ANKS1B: variants seen among roughly 807,000 people sequenced by gnomAD.
The protein encoded by ANKS1B is ankyrin repeat and sterile alpha motif domain-containing protein 1B.
A neutral mutation model predicts 148.3 loss-of-function variants in ANKS1B; 36 were observed. The observed-to-expected ratio is 0.24, with a 90% CI of 0.19 to 0.32. The LOEUF (loss-of-function observed/expected upper bound fraction) is 0.32. Among genes scored for constraint, ANKS1B ranks in the 10% least tolerant of loss-of-function variants. The pLI, the probability that ANKS1B is intolerant of heterozygous loss-of-function variation, is 1.00. For synonymous variants in ANKS1B, 542 were observed against 560.8 expected, an observed-to-expected ratio of 0.97 and a Z score of 0.47; for missense variants, 1,157 against 1,542.6, an observed-to-expected ratio of 0.75 and a Z score of 4.19.
intron 12 of ANKS1B, among the ~76,000 whole-genome samples, chr12:99,300,766 A>G (rs991746974): frequency 2.0e-5 from 3 of 152,102 alleles, no homozygotes; most frequent in African/African-American, 7.2e-5. Context: ...TTGGTGCACA[A>G]ATGTGAAGGT....
chr12:99,278,601 A>G (rs527627069), intron 12 of ANKS1B, among the ~76,000 whole-genome samples: 2 of 152,260 alleles, frequency 1.3e-5, no homozygotes, highest in African/African-American at 4.8e-5. Context: ...AAGGTCAGGC[A>G]TCACCTCCTC....
At chr12:99,670,350 C>A (rs539365153) in intron 8 of ANKS1B, among the ~76,000 whole-genome samples, 2 of 152,100 alleles carry the variant, frequency 1.3e-5, no homozygotes, top group Non-Finnish European at 2.9e-5. Flanking sequence ...ACAATCTCAC[C>A]TGTAATATGA....
At chr12:99,599,691 C>T (rs953273016) in intron 9 of ANKS1B, among the ~76,000 whole-genome samples, 15 of 151,774 alleles carry the variant, frequency 9.9e-5, no homozygotes, top group African/African-American at 3.6e-4. Flanking sequence ...CAGTTTTGGG[C>T]AACTGGGTGG....
chr12:99,314,657 A>AT (rs1222631048), intron 12 of ANKS1B, among the ~76,000 whole-genome samples: 1 of 152,238 alleles, frequency 6.6e-6, no homozygotes, highest in African/African-American at 2.4e-5. Context: ...GACAAAAAAA[A>AT]GCAATAGGGA....
At chr12:98,846,518 C>A (rs922518774) in intron 17 of ANKS1B, among the ~76,000 whole-genome samples, 8 of 152,186 alleles carry the variant, frequency 5.3e-5, no homozygotes, top group Non-Finnish European at 1.2e-4. Context: ...ACCAGGTTGA[C>A]CTGTGCAGTG....
chr12:99,270,852 T>A (rs543259377), intron 12 of ANKS1B, among the ~76,000 whole-genome samples: 2 of 152,342 alleles, frequency 1.3e-5, no homozygotes, highest in Non-Finnish European at 2.9e-5. Flanking sequence ...TATTTTAATT[T>A]AATAGTTTTT....
At chr12:99,848,516 A>G (rs1282588176) in intron 1 of ANKS1B, among the ~76,000 whole-genome samples, 3 of 152,214 alleles carry the variant, frequency 2.0e-5, no homozygotes, top group African/African-American at 7.2e-5. Flanking sequence ...GCACAGGGAT[A>G]CATAAATAGA....
chr12:99,926,170 C>T (rs529732187), intron 1 of ANKS1B, among the ~76,000 whole-genome samples: 3 of 152,300 alleles, frequency 2.0e-5, no homozygotes, highest in Non-Finnish European at 4.4e-5. Flanking sequence ...TAATGCTTAT[C>T]AGTTAAACTT....
At chr12:99,528,433 AAAAAAAAAAAC>A (rs929535235) in intron 9 of ANKS1B, among the ~76,000 whole-genome samples, 33 of 46,600 alleles carry the variant, frequency 7.1e-4, no homozygotes, top group South Asian at 6.3e-3. Flanking sequence ...AAACAAAAAC[AAAAAAAAAAAC>A]AAAAAAAAAA....
At chr12:98,743,470 AATGT>A (rs1231113720), downstream of ANKS1B, among the ~76,000 whole-genome samples, 1 of 152,168 alleles carries the variant, frequency 6.6e-6, no homozygotes, top group African/African-American at 2.4e-5. Flanking sequence ...TGAAGTTATC[AATGT>A]ATCAATTTTC....
intron 15 of ANKS1B, among the ~76,000 whole-genome samples, chr12:99,148,220 G>A (rs2073807763): frequency 6.6e-6 from 1 of 152,062 alleles, no homozygotes; most frequent in South Asian, 2.1e-4. Flanking sequence ...TAATACTGGA[G>A]ATCAAATTAC....
At chr12:99,774,778 T>C (rs2063501149) in intron 7 of ANKS1B, among the ~76,000 whole-genome samples, 2 of 151,996 alleles carry the variant, frequency 1.3e-5, no homozygotes, top group Non-Finnish European at 2.9e-5. Flanking sequence ...AATGTGTGTA[T>C]ACATTTATAT....
intron 9 of ANKS1B, among the ~76,000 whole-genome samples, chr12:99,572,882 T>C (rs1005747267): frequency 6.6e-6 from 1 of 152,104 alleles, no homozygotes; most frequent in Non-Finnish European, 1.5e-5. Context: ...AAGATACATA[T>C]AATATGTATC....
chr12:98,925,216 G>C (rs1051620072), intron 17 of ANKS1B, among the ~76,000 whole-genome samples: 1 of 152,178 alleles, frequency 6.6e-6, no homozygotes, highest in African/African-American at 2.4e-5. Flanking sequence ...GCAGTGAATG[G>C]AATTACTGTT....
Position 99,030,380 on chromosome 12 carries a change from G to C in ANKS1B, c.2778+22777C>G, listed in dbSNP as rs183354268. On this transcript the variant is annotated intron_variant, in intron 17 of 26. Transcript: ENST00000683438. ...TCTGGATCTTTGTAGTTACACATGG[G>C]AGTCAACAGCCCACTGCCTTCCCTT... Among the ~76,000 whole-genome samples, 118 of 152,220 alleles carry C rather than the reference G, an allele frequency of 7.8e-4. 1 individual carries two copies. The highest frequency in any genetic ancestry group is 2.8e-3 in the African/African-American group (115 of 41,536).
At chr12:99,892,720 C>T (rs1199037245) in intron 1 of ANKS1B, among the ~76,000 whole-genome samples, 1 of 152,188 alleles carries the variant, frequency 6.6e-6, no homozygotes, top group Non-Finnish European at 1.5e-5. Flanking sequence ...CCAACCACCC[C>T]TCTCCTACTC....
intron 9 of ANKS1B, among the ~76,000 whole-genome samples, chr12:99,646,598 G>C (rs183032406): frequency 7.3e-6 from 1 of 136,262 alleles, no homozygotes; most frequent in African/African-American, 2.7e-5. Context: ...AGGTTGCAGT[G>C]AGCCAAGATC....
chr12:98,770,878 T>C (rs1162189409), intron 25 of ANKS1B, among the ~76,000 whole-genome samples: 1 of 152,184 alleles, frequency 6.6e-6, no homozygotes, highest in Non-Finnish European at 1.5e-5. Flanking sequence ...TATGAATACG[T>C]GATTCCTGAT....
At position 98,745,485 on chromosome 12, in the gene ANKS1B, G is replaced by C; in HGVS notation, c.*254C>G. 8.6e-7 allele frequency: 1 copy of C among 1,164,358 alleles called. No individual in the cohort carries two copies. Among genetic ancestry groups the C allele is most frequent in the Non-Finnish European group, 1.1e-6 (1 of 942,822 alleles). 72.1% of individuals were successfully genotyped at this position (1,164,358 alleles called of 1,614,324 possible). A position where few individuals can be genotyped will look rare whatever the true frequency, so the allele number is the denominator to read the frequency against. ...AAATACCTTGGGAGGTGGTGGGGAG[G>C]GGAGTCGGGAGCATCAGGGAAAACC... On this transcript the variant is annotated 3_prime_UTR_variant, in exon 27 of 27. Coordinates refer to ENST00000683438, the MANE Select transcript of ANKS1B (RefSeq NM_001352186.2).
Sources: gnomAD v4.1 joint callset for allele counts (sites outside exome capture counted in the v4.1 genomes callset) on GRCh38, gnomAD v4.1.1 for gene constraint, MANE v1.5 for transcripts, NCBI Gene and HGNC (gene_info 2026-07-23, HGNC 2026-07-21) for gene names.